The following EFHC2 variants were observed in gnomAD, a reference collection of about 807,000 sequenced individuals.
EFHC2 encodes the protein EF-hand domain-containing family member C2.
In EFHC2, 18 loss-of-function variants were observed where a neutral mutation model predicts 52.7. The ratio of observed to expected loss-of-function variants is 0.34; its 90% CI spans 0.24 to 0.51. The LOEUF (loss-of-function observed/expected upper bound fraction) is 0.51. Among genes scored for constraint, EFHC2 ranks in the 20% least tolerant of loss-of-function variants. The pLI, the probability that EFHC2 is intolerant of heterozygous loss-of-function variation, is 0.97. For missense variants in EFHC2, 513 were observed against 562.5 expected, an observed-to-expected ratio of 0.91 and a Z score of 0.89; for synonymous variants, 203 against 204.1, an observed-to-expected ratio of 0.99 and a Z score of 0.04.
chrX:44,301,333 A>C (rs749259972), intron 2 of EFHC2, among the ~76,000 whole-genome samples: 1 of 108,873 alleles, frequency 9.2e-6, no homozygotes, highest in African/African-American at 3.4e-5. Context: ...TCCCCCCCCG[A>C]CCAAATTATA....
At chrX:44,319,191 C>G (rs183474522) in intron 1 of EFHC2, among the ~76,000 whole-genome samples, 1 of 109,180 alleles carries the variant, frequency 9.2e-6, no homozygotes, top group East Asian at 2.9e-4. Context: ...TCAGTAGAAA[C>G]GGGGTTTCAC....
In EFHC2 at chrX:44,178,436, T is replaced by G; in HGVS notation, c.1880A>C (p.Lys627Thr). Residue 627 changes from lysine (K) to threonine (T), a missense_variant, in exon 12 of 15, where the codon AAG becomes ACG. Physicochemically the swap from Lys to Thr is moderately conservative, Grantham distance 78. Coordinates refer to ENST00000420999, the MANE Select transcript of EFHC2 (RefSeq NM_025184.4). Reference sequence around the variant, plus strand: ...ATTCTCAAACATATTTTTCTTGAACTTTTCGTGGGCCAGTGCGATTAAGAA... The same window carrying G: ...ATTCTCAAACATATTTTTCTTGAACGTTTCGTGGGCCAGTGCGATTAAGAA... The part of the protein sequence containing the change: ...MDFLIALAHE[K>T]FKKNMFENFD... The G allele has an allele frequency of 8.3e-7, 1 of 1,205,777 alleles. No individual in the cohort carries two copies. Among genetic ancestry groups the G allele is most frequent in the Non-Finnish European group, 1.1e-6 (1 of 892,165 alleles).
chrX:44,172,577 G>A (rs1162263692), intron 13 of EFHC2, among the ~76,000 whole-genome samples: 1 of 111,717 alleles, frequency 9.0e-6, no homozygotes, highest in Admixed American at 9.5e-5. Context: ...AAAAATGAAC[G>A]AGATCTAGTC....
chrX:44,195,538 G>C (rs1355425925), intron 11 of EFHC2, among the ~76,000 whole-genome samples: 1 of 111,438 alleles, frequency 9.0e-6, no homozygotes, highest in Non-Finnish European at 1.9e-5. Flanking sequence ...CCTAAGTCCT[G>C]CCTTCTTGCA....
At chrX:44,194,505 C>A (rs2036946622) in intron 11 of EFHC2, among the ~76,000 whole-genome samples, 1 of 112,096 alleles carries the variant, frequency 8.9e-6, no homozygotes, top group African/African-American at 3.2e-5. Flanking sequence ...TGGATCCCAG[C>A]ATGTAACCAC....
rs370895700 is a variant in EFHC2 at position 44,242,141 on chromosome X, C to G, written c.1260G>C (p.Lys420Asn). 8.4e-7 allele frequency: 1 copy of G among 1,190,868 alleles called. No homozygotes were observed. The highest frequency in any genetic ancestry group is 1.1e-6 in the Non-Finnish European group (1 of 887,576). Residue 420 changes from lysine (K) to asparagine (N), a missense_variant, in exon 8 of 15, where the codon AAG becomes AAC. Lys to Asn is a moderately conservative substitution (Grantham distance 94, BLOSUM62 0). Coordinates refer to ENST00000420999, the MANE Select transcript of EFHC2 (RefSeq NM_025184.4). ...LKPTPHRRNFKKFMEKDSYGS... is the reference protein window; with the variant it reads ...LKPTPHRRNFNKFMEKDSYGS... The stretch of plus-strand genomic sequence containing the variant: ...AGCACCTGTCTTTTTCCATAAACTT[C>G]TTGAAGTTCCTCCGATGAGGTGTGG...
At chrX:44,339,977 G>A (rs373282592) in intron 1 of EFHC2, among the ~76,000 whole-genome samples, 30 of 111,868 alleles carry the variant, frequency 2.7e-4, no homozygotes, top group African/African-American at 9.7e-4. Context: ...AATAAATACT[G>A]ATTTGTTGAA....
intron 14 of EFHC2, among the ~76,000 whole-genome samples, chrX:44,150,748 T>C (rs185836034): frequency 1.8e-5 from 2 of 111,204 alleles, no homozygotes; most frequent in Non-Finnish European, 3.8e-5. Flanking sequence ...TAGAAGGGGA[T>C]CAACTTGAAA....
intron 1 of EFHC2, among the ~76,000 whole-genome samples, chrX:44,340,757 T>C (rs1181029710): frequency 8.9e-6 from 1 of 111,877 alleles, no homozygotes; most frequent in Non-Finnish European, 1.9e-5. Context: ...AGATTATAAC[T>C]ACAAAGAGTT....
At chrX:44,185,125 T>C (rs1472053103) in intron 11 of EFHC2, among the ~76,000 whole-genome samples, 1 of 112,671 alleles carries the variant, frequency 8.9e-6, no homozygotes, top group Non-Finnish European at 1.9e-5. Flanking sequence ...GGAGATAATT[T>C]CAAGTTGTAT....
At chrX:44,308,271 G>C (rs1171894427) in intron 2 of EFHC2, among the ~76,000 whole-genome samples, 1 of 111,252 alleles carries the variant, frequency 9.0e-6, no homozygotes, top group East Asian at 2.8e-4. Context: ...AAGATCTTAG[G>C]TTGGTCATTT....
chrX:44,200,669 GA>G (rs555856580), intron 11 of EFHC2, among the ~76,000 whole-genome samples: 2 of 111,699 alleles, frequency 1.8e-5, no homozygotes, highest in South Asian at 7.5e-4. Context: ...GAGATAACAA[GA>G]ACAGGTTGAG....
Position 44,232,513 on chromosome X carries a change from T to C in EFHC2, c.1588A>G (p.Thr530Ala), listed in dbSNP as rs2037285657. The part of the protein sequence containing the change: ...LFRLLNADEY[T>A]LNYMEQNTDK... ...GTATTCTGCTCCATGTAGTTTAAGGTATACTCATCAGCATTGAGCAAACGA... is the reference window on the plus strand; with the variant it reads ...GTATTCTGCTCCATGTAGTTTAAGGCATACTCATCAGCATTGAGCAAACGA... Residue 530 changes from threonine to alanine, a missense_variant, in exon 10 of 15, where the codon ACC becomes GCC. Transcript: ENST00000420999. The C allele has an allele frequency of 2.2e-5, 25 of 1,160,263 alleles. No individual in the cohort carries two copies. Among genetic ancestry groups the C allele is most frequent in the Non-Finnish European group, 2.9e-5 (25 of 868,558 alleles).
At chrX:44,198,742 T>C (rs1207986507) in intron 11 of EFHC2, among the ~76,000 whole-genome samples, 2 of 110,927 alleles carry the variant, frequency 1.8e-5, no homozygotes, top group Non-Finnish European at 3.8e-5. Flanking sequence ...GGTAAGAGCT[T>C]AGATTTTTTA....
chrX:44,148,215 G>C lies in EFHC2; in HGVS notation c.*580C>G, dbSNP rs1478457707. On this transcript the variant is annotated 3_prime_UTR_variant, in exon 15 of 15. Coordinates refer to ENST00000420999, the MANE Select transcript of EFHC2 (RefSeq NM_025184.4). ...AATATAAATACTGCATATGTTTCCA[G>C]TGTGTGTGCACGTGCGTGTGTGTGT... 6 of 92,043 alleles carry C rather than the reference G, an allele frequency of 6.5e-5. No individual in the cohort carries two copies. The highest frequency in any genetic ancestry group is 3.7e-4 in the East Asian group (1 of 2,730). 7.6% of individuals were successfully genotyped at this position (92,043 alleles called of 1,213,427 possible). A position where few individuals can be genotyped will look rare whatever the true frequency, so the allele number is the denominator to read the frequency against.
intron 11 of EFHC2, among the ~76,000 whole-genome samples, chrX:44,188,530 C>T (rs1019598785): frequency 1.8e-5 from 2 of 111,154 alleles, no homozygotes; most frequent in Non-Finnish European, 3.8e-5. Flanking sequence ...ATTTGACCCC[C>T]AACCCTCAAT....
chrX:44,315,311 T>A (rs1023541342), intron 1 of EFHC2, among the ~76,000 whole-genome samples: 4 of 110,604 alleles, frequency 3.6e-5, no homozygotes, highest in Non-Finnish European at 5.7e-5. Flanking sequence ...CTTTTTTTTT[T>A]AATAAATTAC....
intron 1 of EFHC2, among the ~76,000 whole-genome samples, chrX:44,316,066 T>A (rs1435875977): frequency 9.0e-6 from 1 of 111,272 alleles, no homozygotes; most frequent in Non-Finnish European, 1.9e-5. Flanking sequence ...ACTCACAAGT[T>A]TCCTCCATGG....
chrX:44,213,595 A>T (rs2037118889), intron 11 of EFHC2, among the ~76,000 whole-genome samples: 1 of 112,299 alleles, frequency 8.9e-6, no homozygotes, highest in African/African-American at 3.2e-5. Context: ...TAGTTCAAAG[A>T]GGTACGTTAT....
Sources: gnomAD v4.1 joint callset for allele counts (sites outside exome capture counted in the v4.1 genomes callset) on GRCh38, gnomAD v4.1.1 for gene constraint, MANE v1.5 for transcripts, NCBI Gene and HGNC (gene_info 2026-07-23, HGNC 2026-07-21) for gene names.